The following RANBP17 variants were observed in gnomAD, a reference collection of about 807,000 sequenced individuals.
The protein encoded by RANBP17 is RAN binding protein 17, also known as ran-binding protein 17.
A neutral mutation model predicts 141.2 loss-of-function variants in RANBP17; 158 were observed. The ratio of observed to expected loss-of-function variants is 1.12; its 90% CI spans 0.98 to 1.28. The LOEUF is 1.28. RANBP17 is among the 50% of genes most tolerant of loss of function. RANBP17 has a pLI of 0.00. For synonymous variants in RANBP17, 430 were observed against 450.0 expected (o/e 0.96, Z 0.56); for missense variants, 1,438 against 1,290.7 (o/e 1.11, Z -1.75).
At chr5:171,205,677 C>T (rs760472976) in intron 20 of RANBP17, 65 bp downstream of exon 20, 27 of 1,267,946 alleles carry the variant, frequency 2.1e-5, no homozygotes, top group Admixed American at 1.9e-4. Context: ...CCCTCGCTTT[C>T]GTTTAATAGT....
chr5:171,051,876 A>G (rs1162005166), intron 14 of RANBP17, among the ~76,000 whole-genome samples: 10 of 152,022 alleles, frequency 6.6e-5, no homozygotes, highest in Admixed American at 6.6e-4. Context: ...ATCTTTCTCC[A>G]CATCCTTGTT....
At chr5:171,137,618 G>GTC (rs1757398942) in intron 14 of RANBP17, among the ~76,000 whole-genome samples, 1 of 148,748 alleles carries the variant, frequency 6.7e-6, no homozygotes, top group African/African-American at 2.6e-5. Context: ...GTGTGTGTGT[G>GTC]TGTGTGTCTG....
intron 14 of RANBP17, among the ~76,000 whole-genome samples, chr5:171,034,649 C>T (rs1049540443): frequency 6.6e-6 from 1 of 152,102 alleles, no homozygotes; most frequent in Non-Finnish European, 1.5e-5. Flanking sequence ...CATGGGAGCA[C>T]CTTCCATGTT....
At chr5:170,974,632 A>G (rs1185791467) in intron 14 of RANBP17, among the ~76,000 whole-genome samples, 2 of 152,008 alleles carry the variant, frequency 1.3e-5, no homozygotes, top group African/African-American at 2.4e-5. Context: ...CCTTCCAGCA[A>G]CCCTCTGAGT....
intron 14 of RANBP17, among the ~76,000 whole-genome samples, chr5:171,110,863 A>ATTTTTT (rs35915171): frequency 6.8e-6 from 1 of 146,962 alleles, no homozygotes; most frequent in Non-Finnish European, 1.5e-5. Flanking sequence ...TTTTTTTTTA[A>ATTTTTT]TTTTTTTTTT....
Position 171,055,880 on chromosome 5 carries a change from CAAAA to C in RANBP17, c.1710+87516_1710+87519del, listed in dbSNP as rs72488636. 2.8e-4 allele frequency among the ~76,000 whole-genome samples: 7 copies of C among 25,098 alleles called. No homozygotes were observed. In the East Asian group the frequency reaches 5.9e-3, roughly 21 times the overall value. The allele number at this position is 25,098 out of a possible 152,430, so 16.5% of individuals were successfully genotyped here. Reference sequence around the variant, plus strand: ...AGTTTCTCCAGTTGTGTCCTGTTGCCAAAAAAAAAAAAAAAACAAAAAAAAAAAC... The same window carrying C: ...AGTTTCTCCAGTTGTGTCCTGTTGCCAAAAAAAAAAAACAAAAAAAAAAAC... On this transcript the variant is annotated intron_variant, in intron 14 of 27. Transcript: ENST00000523189.
At chr5:170,951,840 C>T (rs1775238320) in intron 12 of RANBP17, among the ~76,000 whole-genome samples, 1 of 151,826 alleles carries the variant, frequency 6.6e-6, no homozygotes, top group South Asian at 2.1e-4. Context: ...ATTGAAATCA[C>T]TAGTGATTAT....
intron 1 of RANBP17, among the ~76,000 whole-genome samples, chr5:170,872,108 G>A (rs913967570): frequency 3.3e-5 from 5 of 152,074 alleles, no homozygotes; most frequent in Admixed American, 3.3e-4. Flanking sequence ...ATTACTTTGG[G>A]CAGTATATCC....
rs374729631 is a variant in RANBP17, at chr5:170,918,478, G to T, written c.955-235G>T. 4.2e-4 allele frequency among the ~76,000 whole-genome samples: 63 copies of T among 151,622 alleles called. 1 individual carries two copies. In the South Asian group the frequency reaches 0.013, roughly 30 times the overall value. On this transcript the variant is annotated intron_variant, in intron 9 of 27. Coordinates refer to ENST00000523189, the MANE Select transcript of RANBP17 (RefSeq NM_022897.5). The stretch of plus-strand genomic sequence containing the variant: ...CCCAAAATTATAATTTAGTCATTGT[G>T]ATGCAGATCTTCTTCCAAGGCCTCT...
intron 24 of RANBP17, chr5:171,252,391 A>C: frequency 6.5e-7 from 1 of 1,534,836 alleles, no homozygotes; most frequent in East Asian, 2.3e-5. Context: ...AACTATGAGC[A>C]GCAAAGATGA....
chr5:171,012,643 G>A (rs1780134973), intron 14 of RANBP17, among the ~76,000 whole-genome samples: 1 of 152,138 alleles, frequency 6.6e-6, no homozygotes, highest in Non-Finnish European at 1.5e-5. Context: ...AACATTTTCA[G>A]TGGTCATACC....
At chr5:171,195,378 A>G (rs1336372569) in intron 18 of RANBP17, among the ~76,000 whole-genome samples, 2 of 152,226 alleles carry the variant, frequency 1.3e-5, no homozygotes, top group Non-Finnish European at 2.9e-5. Flanking sequence ...AAAAATCTCT[A>G]ATAGTAATGT....
intron 4 of RANBP17, among the ~76,000 whole-genome samples, chr5:170,894,064 T>C (rs1414183222): frequency 1.3e-5 from 2 of 152,188 alleles, no homozygotes; most frequent in African/African-American, 4.8e-5. Flanking sequence ...TTAACAAATA[T>C]TTGATCATTT....
intron 11 of RANBP17, among the ~76,000 whole-genome samples, chr5:170,923,567 T>C (rs1772655185): frequency 6.6e-6 from 1 of 152,198 alleles, no homozygotes; most frequent in Non-Finnish European, 1.5e-5. Context: ...ATTGAAACTA[T>C]AGATTAACTT....
intron 12 of RANBP17, among the ~76,000 whole-genome samples, chr5:170,937,308 T>C (rs1251814781): frequency 6.6e-6 from 1 of 152,228 alleles, no homozygotes; most frequent in African/African-American, 2.4e-5. Context: ...CTGTCTTGTC[T>C]TTCTGTTTAG....
At chr5:171,088,855 T>A (rs1382318064) in intron 14 of RANBP17, among the ~76,000 whole-genome samples, 1 of 152,164 alleles carries the variant, frequency 6.6e-6, no homozygotes, top group African/African-American at 2.4e-5. Context: ...ATTCTAGTTA[T>A]ACATTCATCT....
chr5:171,142,980 TAAAC>T (rs772321403), intron 14 of RANBP17, among the ~76,000 whole-genome samples: 3 of 152,250 alleles, frequency 2.0e-5, no homozygotes, highest in Non-Finnish European at 2.9e-5. Context: ...AAAAGATTAA[TAAAC>T]AGTTTGTTTT....
chr5:171,012,376 CA>C lies in RANBP17; in HGVS notation c.1710+44001del, dbSNP rs566866610. 3.7e-3 allele frequency among the ~76,000 whole-genome samples: 565 copies of C among 151,870 alleles called. 3 individuals carry two copies. Among genetic ancestry groups the C allele is most frequent in the African/African-American group, 0.013 (549 of 41,324 alleles). ...AATGAACTGATATTTAGTATTTATC[CA>C]AGGTAAAATTCTATAGCTGTTTTTG... On this transcript the variant is annotated intron_variant, in intron 14 of 27. Coordinates refer to ENST00000523189, the MANE Select transcript of RANBP17 (RefSeq NM_022897.5).
At chr5:171,243,919 CA>C (rs1027739251) in intron 24 of RANBP17, among the ~76,000 whole-genome samples, 5 of 150,028 alleles carry the variant, frequency 3.3e-5, no homozygotes, top group Non-Finnish European at 5.9e-5. Context: ...ATTAAAAATA[CA>C]AAAAAAAATT....
Sources: gnomAD v4.1 joint callset for allele counts (sites outside exome capture counted in the v4.1 genomes callset) on GRCh38, gnomAD v4.1.1 for gene constraint, MANE v1.5 for transcripts, NCBI Gene and HGNC (gene_info 2026-07-23, HGNC 2026-07-21) for gene names.